FAF1: variants seen among roughly 807,000 people sequenced by gnomAD.
FAF1 encodes FAS-associated factor 1.
In FAF1, 25 loss-of-function variants were observed where a neutral mutation model predicts 92.5. The observed-to-expected ratio is 0.27, with a 90% CI of 0.20 to 0.38. The LOEUF (loss-of-function observed/expected upper bound fraction) is 0.38, where lower values mean the gene tolerates loss of function less well. Ranked by LOEUF, FAF1 falls within the 10% of genes least tolerant of loss-of-function variation. FAF1 has a pLI of 1.00. For missense variants in FAF1, 636 were observed against 793.3 expected, an observed-to-expected ratio of 0.80 and a Z score of 2.38; for synonymous variants, 234 against 273.2, an observed-to-expected ratio of 0.86 and a Z score of 1.42.
chr1:50,627,834 A>AT (rs532972229), intron 8 of FAF1, among the ~76,000 whole-genome samples: 35,714 of 149,856 alleles, frequency 0.24, 4,556 homozygotes, highest in Middle Eastern at 0.44. Context: ...TCAACAAAAC[A>AT]TTTTTTTTTT....
At chr1:50,745,989 G>A (rs901352095) in intron 4 of FAF1, among the ~76,000 whole-genome samples, 2 of 151,920 alleles carry the variant, frequency 1.3e-5, no homozygotes, top group African/African-American at 4.8e-5. Context: ...GGACAATGAA[G>A]TCCAGGCTGA....
intron 4 of FAF1, among the ~76,000 whole-genome samples, chr1:50,787,451 T>C (rs535471814): frequency 1.4e-4 from 22 of 152,204 alleles, no homozygotes; most frequent in Non-Finnish European, 2.6e-4. Flanking sequence ...GTTTCTGTCA[T>C]GTGAGGACAC....
intron 8 of FAF1, among the ~76,000 whole-genome samples, chr1:50,647,175 T>C (rs917960930): frequency 6.6e-6 from 1 of 151,992 alleles, no homozygotes; most frequent in Non-Finnish European, 1.5e-5. Flanking sequence ...TACATTTGAG[T>C]CCTGGTGGAG....
intron 1 of FAF1, among the ~76,000 whole-genome samples, chr1:50,864,427 G>A (rs1287865409): frequency 2.6e-5 from 4 of 151,940 alleles, no homozygotes; most frequent in African/African-American, 9.7e-5. Context: ...TGGTTTCAAA[G>A]AACATCAAAC....
chr1:50,683,005 C>T (rs1017124683), intron 7 of FAF1, among the ~76,000 whole-genome samples: 3 of 151,976 alleles, frequency 2.0e-5, no homozygotes, highest in African/African-American at 4.8e-5. Context: ...TACACTCCAG[C>T]CTGGTGACAG....
intron 2 of FAF1, among the ~76,000 whole-genome samples, chr1:50,804,916 G>A (rs567221169): frequency 1.3e-5 from 2 of 152,300 alleles, no homozygotes; most frequent in East Asian, 1.9e-4. Context: ...GGGCTCAGGA[G>A]AGGGGCTCAG....
chr1:50,818,364 A>G (rs1643998022), intron 2 of FAF1, among the ~76,000 whole-genome samples: 1 of 152,228 alleles, frequency 6.6e-6, no homozygotes, highest in South Asian at 2.1e-4. Context: ...AAACTCTCAT[A>G]TAAAGTTAAG....
chr1:50,884,154 A>G (rs1644637476), intron 1 of FAF1, among the ~76,000 whole-genome samples: 1 of 152,142 alleles, frequency 6.6e-6, no homozygotes, highest in Non-Finnish European at 1.5e-5. Context: ...TCTACAAGTT[A>G]CTTTCAAACA....
Position 50,596,163 on chromosome 1 carries a change from T to G in FAF1, c.798A>C (p.Gly266=), listed in dbSNP as rs749026152. The change falls in exon 9 of 19, where the codon GGA becomes GGC. Residue 266 remains glycine (G), a synonymous_variant. Transcript: ENST00000396153. ...LSYPCHRLTV[G]RRSSPAQTRE... is the part of the protein sequence containing the mutation. ...GGGTCTGTGCAGGTGAAGATCTTCTTCCCACTGTAAGTCGATGGCAGGGAT... is the reference window on the plus strand; with the variant it reads ...GGGTCTGTGCAGGTGAAGATCTTCTGCCCACTGTAAGTCGATGGCAGGGAT... The G allele has an allele frequency of 6.2e-7, 1 of 1,613,934 alleles. No individual in the cohort carries two copies. Among genetic ancestry groups the G allele is most frequent in the African/African-American group, 1.3e-5 (1 of 74,920 alleles).
chr1:50,943,539 C>T (rs1645150509), intron 1 of FAF1, among the ~76,000 whole-genome samples: 1 of 152,154 alleles, frequency 6.6e-6, no homozygotes, highest in African/African-American at 2.4e-5. Flanking sequence ...TTAATGCCTT[C>T]CAGGGCCAAG....
At chr1:50,806,871 AC>A (rs1199228086) in intron 2 of FAF1, among the ~76,000 whole-genome samples, 4 of 152,118 alleles carry the variant, frequency 2.6e-5, no homozygotes, top group African/African-American at 9.6e-5. Flanking sequence ...AAGCAAAAAA[AC>A]AAACAAACAA....
intron 1 of FAF1, among the ~76,000 whole-genome samples, chr1:50,924,506 A>G (rs1644988858): frequency 6.6e-6 from 1 of 152,252 alleles, no homozygotes; most frequent in Admixed American, 6.5e-5. Flanking sequence ...CTACAGGTAC[A>G]GCATCATCTC....
chr1:50,839,656 G>A (rs1644240372), intron 2 of FAF1, among the ~76,000 whole-genome samples: 1 of 152,058 alleles, frequency 6.6e-6, no homozygotes, highest in African/African-American at 2.4e-5. Flanking sequence ...GTATCAAGAT[G>A]GCTAACGAAC....
intron 7 of FAF1, among the ~76,000 whole-genome samples, chr1:50,699,527 T>A (rs941646381): frequency 6.6e-6 from 1 of 152,106 alleles, no homozygotes; most frequent in African/African-American, 2.4e-5. Flanking sequence ...TTGCAAAAAA[T>A]GGTTGGCTCA....
intron 1 of FAF1, among the ~76,000 whole-genome samples, chr1:50,910,181 G>T (rs578256350): frequency 1.3e-5 from 2 of 152,328 alleles, no homozygotes; most frequent in South Asian, 4.1e-4. Context: ...ATCAACAGCA[G>T]AGGCAGCAGA....
chr1:50,951,302 G>C (rs1312222454), intron 1 of FAF1, among the ~76,000 whole-genome samples: 1 of 152,134 alleles, frequency 6.6e-6, no homozygotes, highest in African/African-American at 2.4e-5. Flanking sequence ...TCTCTTTTCT[G>C]GGTCTCAATT....
chr1:50,499,573 A>G (rs1057201336), intron 15 of FAF1, among the ~76,000 whole-genome samples: 2 of 152,190 alleles, frequency 1.3e-5, no homozygotes, highest in African/African-American at 2.4e-5. Context: ...GGCATCTACA[A>G]TGAAAAGGAA....
intron 2 of FAF1, among the ~76,000 whole-genome samples, chr1:50,826,719 C>T (rs1480667743): frequency 2.0e-5 from 3 of 151,968 alleles, no homozygotes; most frequent in Non-Finnish European, 4.4e-5. Context: ...ATATTATGAA[C>T]TTTATGCCAA....
At chr1:50,578,590 C>T (rs866328422) in intron 12 of FAF1, among the ~76,000 whole-genome samples, 46 of 152,250 alleles carry the variant, frequency 3.0e-4, no homozygotes, top group African/African-American at 1.1e-3. Context: ...CTACTACTTA[C>T]TATCAGTGTG....
Sources: gnomAD v4.1 joint callset for allele counts (sites outside exome capture counted in the v4.1 genomes callset) on GRCh38, gnomAD v4.1.1 for gene constraint, MANE v1.5 for transcripts, NCBI Gene and HGNC (gene_info 2026-07-23, HGNC 2026-07-21) for gene names.